The following IQCM variants were observed in gnomAD, a reference collection of about 807,000 sequenced individuals.
IQCM encodes the protein IQ domain-containing protein M.
In IQCM, 45 loss-of-function variants were observed where a neutral mutation model predicts 57.6. The ratio of observed to expected loss-of-function variants is 0.78; its 90% CI spans 0.62 to 1.00. The LOEUF is 1.00. IQCM is among the 50% of genes least tolerant of loss of function. IQCM has a pLI of 0.00. For missense variants in IQCM, 468 were observed against 511.6 expected (o/e 0.91, Z 0.82); for synonymous variants, 148 against 158.9 (o/e 0.93, Z 0.51).
At chr4:149,765,403 T>C (rs983150746) in intron 2 of IQCM, among the ~76,000 whole-genome samples, 1 of 152,166 alleles carries the variant, frequency 6.6e-6, no homozygotes, top group Non-Finnish European at 1.5e-5. Context: ...AAATCATCTT[T>C]GCAAAAATTA....
intron 9 of IQCM, among the ~76,000 whole-genome samples, chr4:149,581,576 C>T (rs1752185362): frequency 6.6e-6 from 1 of 151,536 alleles, no homozygotes; most frequent in Non-Finnish European, 1.5e-5. Flanking sequence ...CGGGGTTTGT[C>T]TCTTTTTCAG....
intron 5 of IQCM, among the ~76,000 whole-genome samples, chr4:149,695,353 A>C (rs1763259060): frequency 6.6e-6 from 1 of 152,228 alleles, no homozygotes; most frequent in South Asian, 2.1e-4. Context: ...ATAATTACAT[A>C]ATTCCAAATA....
chr4:149,753,033 G>C lies in IQCM; in HGVS notation c.-48-10294C>G, dbSNP rs191338192. Among the ~76,000 whole-genome samples the C allele has an allele frequency of 3.0e-3, 460 of 152,062 alleles. 1 individual carries two copies. Among genetic ancestry groups the C allele is most frequent in the African/African-American group, 0.011 (436 of 41,474 alleles). On this transcript the variant is annotated intron_variant, in intron 2 of 13. Transcript: ENST00000636793. ...ATCTGGTTCTGGACTGGGAACTTAGGGGCAACTACAAAACTGTGAAACAGA... is the reference window on the plus strand; with the variant it reads ...ATCTGGTTCTGGACTGGGAACTTAGCGGCAACTACAAAACTGTGAAACAGA...
chr4:149,667,261 C>T (rs544341266), intron 7 of IQCM, among the ~76,000 whole-genome samples: 1 of 152,308 alleles, frequency 6.6e-6, no homozygotes, highest in African/African-American at 2.4e-5. Context: ...TGTTCTGCAG[C>T]CTCTGCTGGT....
In IQCM at chr4:149,479,894, T is replaced by C. The variant is rs551099472; in HGVS notation, c.1229-46337A>G. Among the ~76,000 whole-genome samples, 7 of 152,298 alleles carry C rather than the reference T, an allele frequency of 4.6e-5. No individual in the cohort carries two copies. The South Asian group carries it at 1.0e-3, about 23-fold the overall frequency. On this transcript the variant is annotated intron_variant, in intron 12 of 13. Transcript: ENST00000636793. ...ACCAAAGCTCTTATATTAAATAATG[T>C]GTCATATGCCCAGACCTTTAGTAGA...
chr4:149,654,427 A>G (rs948154697), intron 7 of IQCM, among the ~76,000 whole-genome samples: 1 of 151,852 alleles, frequency 6.6e-6, no homozygotes, highest in Non-Finnish European at 1.5e-5. Context: ...CAACTCCCTC[A>G]TCTCCTCATG....
chr4:149,808,466 T>A (rs1406609609), intron 2 of IQCM, among the ~76,000 whole-genome samples: 1 of 152,138 alleles, frequency 6.6e-6, no homozygotes, highest in Non-Finnish European at 1.5e-5. Flanking sequence ...CAATAAGTTC[T>A]AATATTTGAT....
intron 7 of IQCM, among the ~76,000 whole-genome samples, chr4:149,675,776 A>G (rs1761698488): frequency 6.6e-6 from 1 of 151,972 alleles, no homozygotes; most frequent in African/African-American, 2.4e-5. Flanking sequence ...CCAGGAGCTG[A>G]CTTTAGGGGA....
At chr4:149,777,004 T>A (rs1771152521) in intron 2 of IQCM, among the ~76,000 whole-genome samples, 1 of 152,184 alleles carries the variant, frequency 6.6e-6, no homozygotes, top group African/African-American at 2.4e-5. Context: ...TCTGTATAGA[T>A]CTCTGCTCCA....
intron 13 of IQCM, among the ~76,000 whole-genome samples, chr4:149,388,859 T>A (rs1731638988): frequency 1.3e-5 from 2 of 150,396 alleles, no homozygotes; most frequent in South Asian, 4.2e-4. Flanking sequence ...TTATTATAAA[T>A]GTTCTTATAT....
intron 5 of IQCM, among the ~76,000 whole-genome samples, chr4:149,711,795 G>A (rs1233162330): frequency 6.6e-6 from 1 of 152,096 alleles, no homozygotes; most frequent in Non-Finnish European, 1.5e-5. Flanking sequence ...CAGAAACTTT[G>A]GCAGAAACTA....
chr4:149,465,924 C>A (rs1738813880), intron 12 of IQCM, among the ~76,000 whole-genome samples: 1 of 152,028 alleles, frequency 6.6e-6, no homozygotes. Flanking sequence ...AAGGAGGATA[C>A]ACTGCAGAGG....
chr4:149,737,141 T>C (rs930181313), intron 3 of IQCM, among the ~76,000 whole-genome samples: 14 of 152,140 alleles, frequency 9.2e-5, no homozygotes, highest in African/African-American at 3.4e-4. Flanking sequence ...AACTAATCTA[T>C]GGTGGAAAAA....
intron 5 of IQCM, among the ~76,000 whole-genome samples, chr4:149,727,714 TG>T (rs1766078504): frequency 2.0e-5 from 3 of 152,176 alleles, no homozygotes; most frequent in Non-Finnish European, 2.9e-5. Flanking sequence ...CAGCTGAAGC[TG>T]GTCCTATGAA....
chr4:149,730,265 TC>T lies in IQCM; in HGVS notation c.385+2978del, dbSNP rs1766336550. ...ACCTTTCTAATGTGTGTAAAATCTC[TC>T]CCAACACTATCCCCAGTGTTACTAC... On this transcript the variant is annotated intron_variant, in intron 5 of 13. Transcript: ENST00000636793. Among the ~76,000 whole-genome samples, 3 of 152,292 alleles carry T rather than the reference TC, an allele frequency of 2.0e-5. No individual in the cohort carries two copies. The South Asian group carries it at 6.2e-4, about 32-fold the overall frequency.
intron 7 of IQCM, among the ~76,000 whole-genome samples, chr4:149,656,499 C>T (rs1449882222): frequency 6.6e-6 from 1 of 152,160 alleles, no homozygotes; most frequent in African/African-American, 2.4e-5. Context: ...CTACCTCCCA[C>T]TGTACCTGTT....
intron 13 of IQCM, among the ~76,000 whole-genome samples, chr4:149,417,234 A>G (rs983993514): frequency 2.0e-5 from 3 of 152,164 alleles, no homozygotes; most frequent in East Asian, 3.9e-4. Flanking sequence ...GGACCCCAGT[A>G]GATCACATGT....
intron 5 of IQCM, among the ~76,000 whole-genome samples, chr4:149,721,177 C>T (rs1030156570): frequency 6.6e-6 from 1 of 152,124 alleles, no homozygotes; most frequent in African/African-American, 2.4e-5. Context: ...CCACTATTTA[C>T]ATGGGATTTA....
intron 10 of IQCM, among the ~76,000 whole-genome samples, chr4:149,556,419 T>C (rs1173226110): frequency 1.3e-5 from 2 of 152,156 alleles, no homozygotes; most frequent in East Asian, 1.9e-4. Flanking sequence ...GATTTTTATA[T>C]GTTAGGCTTT....
Sources: gnomAD v4.1 joint callset for allele counts (sites outside exome capture counted in the v4.1 genomes callset) on GRCh38, gnomAD v4.1.1 for gene constraint, MANE v1.5 for transcripts, NCBI Gene and HGNC (gene_info 2026-07-23, HGNC 2026-07-21) for gene names.